DYSF: variants seen among roughly 807,000 people sequenced by gnomAD.
DYSF encodes the protein dysferlin, also known as dystrophy-associated fer-1-like 1.
In DYSF, 212 loss-of-function variants were observed where a neutral mutation model predicts 274.9. That is an observed-to-expected ratio of 0.77 (90% CI 0.69 to 0.86). DYSF has a LOEUF of 0.86. Ranked by LOEUF, DYSF falls within the 40% of genes least tolerant of loss-of-function variation. DYSF has a pLI of 0.00. For missense variants in DYSF, 2,666 were observed against 2,783.2 expected (o/e 0.96, Z 0.95); for synonymous variants, 1,091 against 1,078.7 (o/e 1.01, Z -0.22).
intron 3 of DYSF, among the ~76,000 whole-genome samples, chr2:71,483,548 C>T (rs978510302): frequency 6.6e-6 from 1 of 152,152 alleles, no homozygotes; most frequent in African/African-American, 2.4e-5. Context: ...ACGACACGTG[C>T]GGCCCTGTGA....
At chr2:71,633,018 A>G (rs1337438700) in intron 41 of DYSF, among the ~76,000 whole-genome samples, 1 of 152,254 alleles carries the variant, frequency 6.6e-6, no homozygotes, top group Non-Finnish European at 1.5e-5. Flanking sequence ...CTGCTGATCC[A>G]GAAATCAGAG....
At chr2:71,671,033 G>A (rs1464408606) in intron 51 of DYSF, among the ~76,000 whole-genome samples, 1 of 152,110 alleles carries the variant, frequency 6.6e-6, no homozygotes, top group African/African-American at 2.4e-5. Flanking sequence ...TATATGACGC[G>A]TTCCAGTGCC....
intron 40 of DYSF, among the ~76,000 whole-genome samples, chr2:71,617,383 A>C (rs1369485316): frequency 1.3e-5 from 2 of 152,110 alleles, no homozygotes; most frequent in African/African-American, 2.4e-5. Context: ...CTGCAAGTTC[A>C]CCATAGGCTA....
chr2:71,543,748 G>T (rs1158074949), intron 17 of DYSF, among the ~76,000 whole-genome samples: 1 of 152,066 alleles, frequency 6.6e-6, no homozygotes, highest in African/African-American at 2.4e-5. Context: ...TGCAATCGCA[G>T]GCACTCGGCA....
chr2:71,613,339 G>A lies in DYSF; in HGVS notation c.4393G>A (p.Val1465Met). 1 of 1,612,950 alleles carries A rather than the reference G, an allele frequency of 6.2e-7. No homozygotes were observed. Among genetic ancestry groups the A allele is most frequent in the Non-Finnish European group, 8.5e-7 (1 of 1,179,610 alleles). Residue 1465 changes from valine to methionine, a missense_variant, in exon 40 of 56, where the codon GTG (valine) becomes ATG (methionine). Val to Met is a conservative substitution (Grantham distance 21). This residue lies in a region of DYSF where 1,460 missense variants were observed against 1,502.1 expected (regional missense o/e 0.97). Coordinates refer to ENST00000410020, the MANE Select transcript of DYSF (RefSeq NM_001130987.2). ...SPSPQGGPDD[V>M]SLLSPGEDVL... ...GATGGCTCCCTCCCCTGCAGACGAT[G>A]TGAGCCTACTCAGTCCTGGGGAAGA...
intron 40 of DYSF, among the ~76,000 whole-genome samples, chr2:71,614,849 G>T (rs968470319): frequency 6.6e-6 from 1 of 152,152 alleles, no homozygotes; most frequent in African/African-American, 2.4e-5. Context: ...TCTCTTGGCT[G>T]GGGAAACCCA....
At chr2:71,560,369 C>T (rs1306836952) in intron 22 of DYSF, among the ~76,000 whole-genome samples, 1 of 114,830 alleles carries the variant, frequency 8.7e-6, no homozygotes, top group Non-Finnish European at 1.9e-5. Context: ...CCTCTCCAGA[C>T]CCGCTTGCCC....
chr2:71,485,963 G>A (rs533553043), intron 3 of DYSF, among the ~76,000 whole-genome samples: 1 of 152,124 alleles, frequency 6.6e-6, no homozygotes, highest in Admixed American at 6.5e-5. Flanking sequence ...ACAAGCGTGA[G>A]CCACCGCGCC....
intron 51 of DYSF, among the ~76,000 whole-genome samples, chr2:71,670,829 AG>A (rs542045592): frequency 1.2e-3 from 189 of 152,286 alleles, no homozygotes; most frequent in African/African-American, 4.1e-3. Context: ...TTGGAGGCAG[AG>A]GGGTCTCTGC....
intron 52 of DYSF, 81 bp downstream of exon 52, chr2:71,674,377 C>A: frequency 7.2e-7 from 1 of 1,396,604 alleles, no homozygotes; most frequent in South Asian, 1.2e-5. Flanking sequence ...CACTGTTGGA[C>A]CCTTGGGGAA....
chr2:71,601,479 C>T lies in DYSF; in HGVS notation c.3898-20C>T, dbSNP rs749258720. ...TTAGGTGACAAGCACATGACCAGAG[C>T]TCTCTTTTCTTCACTCCAGCCGGCC... On this transcript the variant is annotated intron_variant, in intron 34 of 55. Transcript: ENST00000410020. The T allele has an allele frequency of 1.2e-6, 2 of 1,614,190 alleles. No homozygotes were observed. Among genetic ancestry groups the T allele is most frequent in the South Asian group, 1.1e-5 (1 of 91,084 alleles).
rs1337462325 is a variant in DYSF at position 71,577,690 on chromosome 2, T to A, written c.3402+3319T>A. On this transcript the variant is annotated intron_variant, in intron 30 of 55. Coordinates refer to ENST00000410020, the MANE Select transcript of DYSF (RefSeq NM_001130987.2). The stretch of plus-strand genomic sequence containing the variant: ...CGCACCCACACACACTCTTTCACAC[T>A]CACACTCCCCCTCCACAGTCACGTT... Among the ~76,000 whole-genome samples, 5 of 151,928 alleles carry A rather than the reference T, an allele frequency of 3.3e-5. No homozygotes were observed. The East Asian group carries it at 7.8e-4, about 24-fold the overall frequency.
At chr2:71,614,769 G>A (rs2093845828) in intron 40 of DYSF, among the ~76,000 whole-genome samples, 1 of 152,170 alleles carries the variant, frequency 6.6e-6, no homozygotes, top group Non-Finnish European at 1.5e-5. Context: ...TGGGTAGATG[G>A]GTGCATGGGT....
chr2:71,529,727 A>G (rs1439709467), intron 14 of DYSF, among the ~76,000 whole-genome samples: 1 of 152,170 alleles, frequency 6.6e-6, no homozygotes, highest in Non-Finnish European at 1.5e-5. Flanking sequence ...CCTCTTATCT[A>G]ATGGTCTAAG....
chr2:71,564,033 A>T, intron 23 of DYSF, 25 bp from the exon 24 acceptor site: 4 of 1,613,140 alleles, frequency 2.5e-6, no homozygotes, highest in Non-Finnish European at 3.4e-6. Flanking sequence ...CACCATCCCC[A>T]CCCCGACCAC....
chr2:71,464,258 A>G (rs1385873110), upstream of DYSF, among the ~76,000 whole-genome samples: 1 of 152,258 alleles, frequency 6.6e-6, no homozygotes, highest in Admixed American at 6.5e-5. Flanking sequence ...TATGGAGACC[A>G]TGCTTTGCAC....
intron 1 of DYSF, among the ~76,000 whole-genome samples, chr2:71,477,844 C>T (rs1317179801): frequency 6.6e-6 from 1 of 152,188 alleles, no homozygotes; most frequent in African/African-American, 2.4e-5. Context: ...AGGATATTCA[C>T]AGTTATCTGA....
intron 55 of DYSF, among the ~76,000 whole-genome samples, chr2:71,683,532 T>G (rs1235430985): frequency 6.6e-6 from 1 of 152,260 alleles, no homozygotes; most frequent in African/African-American, 2.4e-5. Context: ...ATCTTTTTAA[T>G]ATGAAAACTC....
At chr2:71,532,796 G>C (rs917637158) in intron 14 of DYSF, among the ~76,000 whole-genome samples, 6 of 151,918 alleles carry the variant, frequency 3.9e-5, no homozygotes, top group African/African-American at 1.5e-4. Flanking sequence ...TTAAAATTTT[G>C]TTTATCTAAT....
Sources: gnomAD v4.1 joint callset for allele counts (sites outside exome capture counted in the v4.1 genomes callset) on GRCh38, gnomAD v4.1.1 for gene constraint, gnomAD v4.1.1 regional missense constraint, MANE v1.5 for transcripts, NCBI Gene and HGNC (gene_info 2026-07-23, HGNC 2026-07-21) for gene names.